PCNX1: variants seen among roughly 807,000 people sequenced by gnomAD.
PCNX1 encodes pecanex 1.
In PCNX1, 78 loss-of-function variants were observed where a neutral mutation model predicts 242.2. The observed-to-expected ratio is 0.32, with a 90% CI of 0.27 to 0.39. The LOEUF (loss-of-function observed/expected upper bound fraction) is 0.39. Ranked by LOEUF, PCNX1 falls within the 10% of genes least tolerant of loss-of-function variation. PCNX1 has a pLI of 1.00. For missense variants in PCNX1, 2,581 were observed against 2,856.5 expected, an observed-to-expected ratio of 0.90 and a Z score of 2.20; for synonymous variants, 1,024 against 1,032.9, an observed-to-expected ratio of 0.99 and a Z score of 0.17.
rs769999823 is a variant in PCNX1 at position 70,977,212 on chromosome 14, C to T, written c.875C>T (p.Ala292Val). Residue 292 changes from alanine (A) to valine (V), a missense_variant, in exon 6 of 36, where the codon GCT becomes GTT. Physicochemically the swap from Ala to Val is moderately conservative, Grantham distance 64. This residue lies in a region of PCNX1 where 1,204 missense variants were observed against 1,216.7 expected (regional missense o/e 0.99). Transcript: ENST00000304743. ...GVPRTSSSAV[A>V]FPDTSLNDFP... ...CCACGGACTTCTAGCTCTGCTGTGGCTTTTCCAGACACTTCACTGAATGAT... is the reference window on the plus strand; with the variant it reads ...CCACGGACTTCTAGCTCTGCTGTGGTTTTTCCAGACACTTCACTGAATGAT... 2.5e-6 allele frequency: 4 copies of T among 1,614,100 alleles called. No individual in the cohort carries two copies. The African/African-American group carries it at 5.3e-5, about 22-fold the overall frequency.
Position 71,036,108 on chromosome 14 carries a change from G to C in PCNX1, c.3818G>C (p.Gly1273Ala). Reference protein sequence around the residue: ...QSDLVVCIVIGVLYFAIHVST... With the variant: ...QSDLVVCIVIAVLYFAIHVST... The stretch of plus-strand genomic sequence containing the variant: ...GACCTGGTAGTATGCATTGTAATTG[G>C]TGTGCTGTATTTTGCTATTCATGTA... The change falls in exon 19 of 36, where the codon GGT becomes GCT. Residue 1273 changes from glycine to alanine, a missense_variant. By Grantham distance (60) the Gly-to-Ala change is moderately conservative. Coordinates refer to ENST00000304743, the MANE Select transcript of PCNX1 (RefSeq NM_014982.3). 1 of 1,609,810 alleles carries C rather than the reference G, an allele frequency of 6.2e-7. No individual in the cohort carries two copies. The highest frequency in any genetic ancestry group is 2.2e-5 in the East Asian group (1 of 44,854).
chr14:71,024,509 T>A (rs12897533), intron 13 of PCNX1, among the ~76,000 whole-genome samples: 56,750 of 150,870 alleles, frequency 0.38, 10,869 homozygotes, highest in East Asian at 0.61. Context: ...TTTAAAAAAA[T>A]TTTTTTTTTT....
intron 7 of PCNX1, among the ~76,000 whole-genome samples, chr14:70,990,015 G>T (rs1387864176): frequency 6.6e-6 from 1 of 152,174 alleles, no homozygotes; most frequent in Middle Eastern, 3.2e-3. Flanking sequence ...TGCATGGTAG[G>T]TTGGAACAGA....
At chr14:70,936,183 A>G (rs2056995332) in intron 1 of PCNX1, among the ~76,000 whole-genome samples, 1 of 152,100 alleles carries the variant, frequency 6.6e-6, no homozygotes, top group Non-Finnish European at 1.5e-5. Flanking sequence ...CACAACGTGC[A>G]GCTTTGTCAC....
intron 19 of PCNX1, among the ~76,000 whole-genome samples, chr14:71,043,392 C>G (rs1377549586): frequency 6.6e-6 from 1 of 152,112 alleles, no homozygotes; most frequent in East Asian, 1.9e-4. Flanking sequence ...AATAGGCTTT[C>G]TATGCCTTTG....
chr14:71,039,692 A>G (rs572295070), intron 19 of PCNX1, among the ~76,000 whole-genome samples: 2 of 152,156 alleles, frequency 1.3e-5, no homozygotes, highest in South Asian at 4.1e-4. Flanking sequence ...CCATCAGTAG[A>G]CCTCCATGAT....
At chr14:70,939,551 A>G (rs551817721) in intron 1 of PCNX1, among the ~76,000 whole-genome samples, 4 of 152,188 alleles carry the variant, frequency 2.6e-5, no homozygotes, top group Non-Finnish European at 5.9e-5. Flanking sequence ...TTTACTTCCA[A>G]CTGTGTCGTC....
At chr14:70,993,190 G>T (rs980941350) in intron 7 of PCNX1, among the ~76,000 whole-genome samples, 3 of 149,720 alleles carry the variant, frequency 2.0e-5, no homozygotes, top group African/African-American at 7.4e-5. Context: ...GCACGATCTC[G>T]GCTCACTGCA....
intron 11 of PCNX1, among the ~76,000 whole-genome samples, chr14:71,018,216 T>C (rs544506877): frequency 6.6e-6 from 1 of 152,250 alleles, no homozygotes; most frequent in South Asian, 2.1e-4. Context: ...TTTAAAAATA[T>C]GATTTAGAAG....
chr14:71,096,405 A>G lies in PCNX1; in HGVS notation c.5590-5585A>G, dbSNP rs118070026. Among the ~76,000 whole-genome samples, 1,366 of 152,324 alleles carry G rather than the reference A, an allele frequency of 9.0e-3. 9 individuals are homozygous for G. Among genetic ancestry groups the G allele is most frequent in the Non-Finnish European group, 0.012 (842 of 68,018 alleles). On this transcript the variant is annotated intron_variant, in intron 30 of 35. Coordinates refer to ENST00000304743, the MANE Select transcript of PCNX1 (RefSeq NM_014982.3). ...AGGATTGCTTGAGCAAAGGAGGTCAAGGTTGCAGTGAGCTATAATCACACC... is the reference window on the plus strand; with the variant it reads ...AGGATTGCTTGAGCAAAGGAGGTCAGGGTTGCAGTGAGCTATAATCACACC...
intron 26 of PCNX1, among the ~76,000 whole-genome samples, chr14:71,068,418 A>G (rs1210270997): frequency 2.0e-5 from 3 of 148,976 alleles, no homozygotes; most frequent in East Asian, 3.9e-4. Flanking sequence ...ATATGTATTT[A>G]TATGTATATG....
intron 16 of PCNX1, 88 bp from the exon 17 acceptor site, chr14:71,033,341 G>T: frequency 3.1e-6 from 2 of 644,198 alleles, no homozygotes; most frequent in Middle Eastern, 2.7e-4. Flanking sequence ...TAAGTTCGTT[G>T]TCTTTTTCCA....
chr14:70,958,821 C>T (rs2058087180), intron 2 of PCNX1, among the ~76,000 whole-genome samples: 1 of 149,608 alleles, frequency 6.7e-6, no homozygotes, highest in South Asian at 2.1e-4. Flanking sequence ...ACCCCTAAAC[C>T]TGAGGGTGGG....
rs140060468 is a variant in PCNX1, at chr14:71,079,006, T to C, written c.5337+2587T>C. Among the ~76,000 whole-genome samples, 797 of 152,258 alleles carry C rather than the reference T, an allele frequency of 5.2e-3. 4 individuals are homozygous for C. The highest frequency in any genetic ancestry group is 0.019 in the African/African-American group (769 of 41,562). On this transcript the variant is annotated intron_variant, in intron 28 of 35. Transcript: ENST00000304743. Reference sequence around the variant, plus strand: ...CTAAGCTATGCCTCCCATAGCCCCCTACACCCCGACAGGCCCCGGTGTGTG... The same window carrying C: ...CTAAGCTATGCCTCCCATAGCCCCCCACACCCCGACAGGCCCCGGTGTGTG...
At chr14:70,985,134 G>A (rs998185402) in intron 6 of PCNX1, among the ~76,000 whole-genome samples, 2 of 152,172 alleles carry the variant, frequency 1.3e-5, no homozygotes, top group African/African-American at 2.4e-5. Context: ...AAACTTAATT[G>A]AGTGATTGCA....
At position 70,989,811 on chromosome 14, in the gene PCNX1, C is replaced by T. The variant is rs139815038; in HGVS notation, c.2444+1112C>T. 8.8e-3 allele frequency among the ~76,000 whole-genome samples: 1,337 copies of T among 152,254 alleles called. 9 individuals are homozygous for T. The highest frequency in any genetic ancestry group is 0.017 in the South Asian group (82 of 4,824). ...CCTCGCAAAGTGCTGGAATTAGGGG[C>T]ATGAGCCACTGCGTTCTGCCCCAAA... On this transcript the variant is annotated intron_variant, in intron 7 of 35. Coordinates refer to ENST00000304743, the MANE Select transcript of PCNX1 (RefSeq NM_014982.3).
At chr14:71,055,610 T>TAAAACAA in intron 25 of PCNX1, 48 bp downstream of exon 25, 1 of 1,126,754 alleles carries the variant, frequency 8.9e-7, no homozygotes, top group Non-Finnish European at 1.3e-6. Flanking sequence ...GGATTTGTTT[T>TAAAACAA]ATATATATAT....
At chr14:70,992,474 A>G (rs530535636) in intron 7 of PCNX1, among the ~76,000 whole-genome samples, 2 of 152,276 alleles carry the variant, frequency 1.3e-5, no homozygotes, top group Non-Finnish European at 2.9e-5. Context: ...TTTTTCTAGA[A>G]TATAGAGACA....
chr14:71,068,591 C>CGTGTGTGTGTGTGTGTGT (rs373964832), intron 26 of PCNX1, among the ~76,000 whole-genome samples: 11 of 124,032 alleles, frequency 8.9e-5, no homozygotes, highest in South Asian at 2.7e-4. Flanking sequence ...TATGTACGTG[C>CGTGTGTGTGTGTGTGTGT]GTGTGTGTGT....
Sources: allele counts gnomAD v4.1 joint callset (sites outside exome capture counted in the v4.1 genomes callset), GRCh38; gene constraint gnomAD v4.1.1; regional missense constraint gnomAD v4.1.1; transcripts MANE v1.5; gene names NCBI Gene and HGNC (gene_info 2026-07-23, HGNC 2026-07-21).